PDS5B: variants seen among roughly 807,000 people sequenced by gnomAD.
The protein encoded by PDS5B is sister chromatid cohesion protein PDS5 homolog B.
Under a neutral mutation model 184.1 loss-of-function variants are expected in PDS5B, and 51 were observed. That is an observed-to-expected ratio of 0.28 (90% CI 0.22 to 0.35). The LOEUF is 0.35. Ranked by LOEUF, PDS5B falls within the 10% of genes least tolerant of loss-of-function variation. PDS5B has a pLI of 1.00. For missense variants in PDS5B, 1,180 were observed against 1,723.3 expected (o/e 0.68, Z 5.58); for synonymous variants, 566 against 569.2 (o/e 0.99, Z 0.08).
chr13:32,654,080 A>C (rs879401504), intron 3 of PDS5B, among the ~76,000 whole-genome samples: 1 of 152,180 alleles, frequency 6.6e-6, no homozygotes. Flanking sequence ...AAAAATGTTA[A>C]GTATTTGGTT....
rs750371500 is a variant in PDS5B, at chr13:32,656,366, G to A, written c.313-1873G>A. Among the ~76,000 whole-genome samples the A allele has an allele frequency of 2.8e-5, 3 of 108,110 alleles. No homozygotes were observed. The Admixed American group carries it at 3.8e-4, about 14-fold the overall frequency. 70.9% of individuals were successfully genotyped at this position (108,110 alleles called of 152,430 possible). A position where few individuals can be genotyped will look rare whatever the true frequency, so the allele number is the denominator to read the frequency against. On this transcript the variant is annotated intron_variant, in intron 3 of 34. Transcript: ENST00000315596. ...TTTTAAGGTAGTTTTTTCTAATTTT[G>A]TGAAGAATGTTCTTGGTAGTTTGAT...
intron 3 of PDS5B, among the ~76,000 whole-genome samples, chr13:32,655,242 A>T (rs1448064727): frequency 6.7e-6 from 1 of 148,878 alleles, no homozygotes; most frequent in East Asian, 2.0e-4. Flanking sequence ...GTACGAGATG[A>T]TATCTTGTTG....
intron 8 of PDS5B, among the ~76,000 whole-genome samples, chr13:32,675,170 C>T (rs1209386480): frequency 6.6e-6 from 1 of 152,048 alleles, no homozygotes; most frequent in African/African-American, 2.4e-5. Flanking sequence ...TACCCAATTC[C>T]CACACTTTAT....
chr13:32,763,234 T>C (rs1593637293), intron 30 of PDS5B, among the ~76,000 whole-genome samples: 1 of 152,124 alleles, frequency 6.6e-6, no homozygotes, highest in African/African-American at 2.4e-5. Flanking sequence ...GATTTGATTT[T>C]AAGTGCAACT....
At chr13:32,745,751 G>A (rs1953719760) in intron 23 of PDS5B, among the ~76,000 whole-genome samples, 1 of 152,076 alleles carries the variant, frequency 6.6e-6, no homozygotes, top group Non-Finnish European at 1.5e-5. Context: ...CCATTCATGA[G>A]GGTTTCCCAC....
intron 1 of PDS5B, among the ~76,000 whole-genome samples, chr13:32,599,109 A>G (rs1274338645): frequency 1.3e-5 from 2 of 151,266 alleles, no homozygotes; most frequent in Non-Finnish European, 2.9e-5. Flanking sequence ...ATGTCATTTT[A>G]TTCTTCTCTG....
chr13:32,720,693 G>T (rs1952642620), intron 19 of PDS5B, among the ~76,000 whole-genome samples: 1 of 151,526 alleles, frequency 6.6e-6, no homozygotes, highest in African/African-American at 2.4e-5. Flanking sequence ...TCTTGGAGAG[G>T]GGGATTTGGC....
intron 1 of PDS5B, among the ~76,000 whole-genome samples, chr13:32,635,424 A>G (rs1415200029): frequency 7.0e-6 from 1 of 142,422 alleles, no homozygotes; most frequent in Non-Finnish European, 1.5e-5. Flanking sequence ...GCTCACTACA[A>G]CCTCCGCCTC....
chr13:32,612,729 G>T (rs777167927), intron 1 of PDS5B, among the ~76,000 whole-genome samples: 13 of 152,174 alleles, frequency 8.5e-5, no homozygotes, highest in Non-Finnish European at 1.9e-4. Context: ...CATTATAAAA[G>T]GGGAGGCCCT....
At chr13:32,635,170 GTTTTTTTTTTTTTT>G (rs71071054) in intron 1 of PDS5B, among the ~76,000 whole-genome samples, 58 of 81,070 alleles carry the variant, frequency 7.2e-4, no homozygotes, top group South Asian at 1.2e-3. Flanking sequence ...AGCCAATTAC[GTTTTTTTTTTTTTT>G]TTTTTTTTTT....
At chr13:32,701,205 C>G (rs1951852424) in intron 16 of PDS5B, 118 bp from the exon 17 acceptor site, 1 of 559,430 alleles carries the variant, frequency 1.8e-6, no homozygotes. Context: ...TCAATTCTTA[C>G]AGTTTGTTTA....
chr13:32,727,298 G>GT (rs1952938464), intron 19 of PDS5B, among the ~76,000 whole-genome samples: 1 of 151,942 alleles, frequency 6.6e-6, no homozygotes, highest in Non-Finnish European at 1.5e-5. Context: ...GTTTTTATAT[G>GT]TTATAAGCTC....
At chr13:32,690,674 A>G (rs1277263547) in intron 13 of PDS5B, 1 of 152,200 alleles carries the variant, frequency 6.6e-6, no homozygotes, top group East Asian at 1.9e-4. Flanking sequence ...ATCACTTATC[A>G]CTTAAATGAT....
intron 19 of PDS5B, among the ~76,000 whole-genome samples, chr13:32,717,711 T>A (rs925912584): frequency 8.9e-5 from 11 of 123,444 alleles, no homozygotes; most frequent in Non-Finnish European, 1.0e-4. Context: ...AATAAATAAA[T>A]CAATAAATTA....
intron 17 of PDS5B, among the ~76,000 whole-genome samples, chr13:32,706,621 T>C (rs906274680): frequency 4.6e-5 from 7 of 152,210 alleles, no homozygotes; most frequent in African/African-American, 1.7e-4. Context: ...TAATTAAAAA[T>C]AATTTGTCAT....
intron 23 of PDS5B, among the ~76,000 whole-genome samples, chr13:32,745,488 G>A (rs989220447): frequency 1.3e-5 from 2 of 152,284 alleles, no homozygotes; most frequent in East Asian, 1.9e-4. Flanking sequence ...AGCATAATAT[G>A]GTGTTCAGTA....
intron 1 of PDS5B, among the ~76,000 whole-genome samples, chr13:32,621,013 T>G (rs1488432362): frequency 6.6e-6 from 1 of 152,230 alleles, no homozygotes; most frequent in Non-Finnish European, 1.5e-5. Context: ...ATGGCTATAA[T>G]GGAAAAACAG....
In PDS5B at chr13:32,586,531, G is replaced by T. The variant is rs1052003503; in HGVS notation, c.-82G>T. 1.3e-5 allele frequency: 2 copies of T among 152,398 alleles called. No homozygotes were observed. The highest frequency in any genetic ancestry group is 2.4e-5 in the African/African-American group (1 of 41,336). 9.4% of individuals were successfully genotyped at this position (152,398 alleles called of 1,614,324 possible). A position where few individuals can be genotyped will look rare whatever the true frequency, so the allele number is the denominator to read the frequency against. On this transcript the variant is annotated 5_prime_UTR_variant, in exon 1 of 35. Transcript: ENST00000315596. ...GGGGGGGGAGAAGGCGATTGGATGC[G>T]GCGGCGGCGGCGGATCCCGGAGAGC...
chr13:32,623,307 A>C (rs1223563028), intron 1 of PDS5B, among the ~76,000 whole-genome samples: 1 of 152,208 alleles, frequency 6.6e-6, no homozygotes, highest in Non-Finnish European at 1.5e-5. Flanking sequence ...ATTCCTGATC[A>C]GCAAGTAATT....
Sources: gnomAD v4.1 joint callset for allele counts (sites outside exome capture counted in the v4.1 genomes callset) on GRCh38, gnomAD v4.1.1 for gene constraint, MANE v1.5 for transcripts, NCBI Gene and HGNC (gene_info 2026-07-23, HGNC 2026-07-21) for gene names.